The following ZNF273 variants were observed in gnomAD, a reference collection of about 807,000 sequenced individuals.
ZNF273 encodes zinc finger protein 9.
Under a neutral mutation model 14.9 loss-of-function variants are expected in ZNF273, and 11 were observed. The observed-to-expected ratio is 0.74, with a 90% CI of 0.46 to 1.22. ZNF273 has a LOEUF of 1.22. Among genes scored for constraint, ZNF273 ranks in the 50% most tolerant of loss-of-function variants. The pLI is 0.00. For synonymous variants in ZNF273, 199 were observed against 223.9 expected, an observed-to-expected ratio of 0.89 and a Z score of 0.99; for missense variants, 577 against 660.6, an observed-to-expected ratio of 0.87 and a Z score of 1.39.
intron 3 of ZNF273, among the ~76,000 whole-genome samples, chr7:64,925,048 C>T (rs907597960): frequency 1.9e-4 from 29 of 151,970 alleles, no homozygotes; most frequent in Admixed American, 7.2e-4. Flanking sequence ...GGTGATCCAC[C>T]GCCTCGGTCT....
In ZNF273 at chr7:64,927,915, A is replaced by C. The variant is rs1794841871; in HGVS notation, c.587A>C (p.His196Pro). The C allele has an allele frequency of 6.2e-7, 1 of 1,613,394 alleles. No individual in the cohort carries two copies. Among genetic ancestry groups the C allele is most frequent in the Non-Finnish European group, 8.5e-7 (1 of 1,179,826 alleles). ...CATAAATTCTCAAATTCAAATATAC[A>C]TAAGAAAAGACAAACTGGAAAGAAA... ...VLHKFSNSNI[H>P]KKRQTGKKPF... The change falls in exon 4 of 4, where the codon CAT becomes CCT. Residue 196 changes from histidine (H) to proline (P), a missense_variant. Coordinates refer to ENST00000476120, the MANE Select transcript of ZNF273 (RefSeq NM_021148.3).
rs574926497 is a variant in ZNF273, at chr7:64,915,265, C to T, written c.103-2316C>T. Among the ~76,000 whole-genome samples the T allele has an allele frequency of 4.6e-5, 7 of 152,102 alleles. No homozygotes were observed. The South Asian group carries it at 6.2e-4, about 13-fold the overall frequency. On this transcript the variant is annotated intron_variant, in intron 1 of 3. Transcript: ENST00000476120. ...ATTCCTATTGGGGAAAAGCTGGTGC[C>T]GAGACCAGCTCGGTCAGGGAGAACC...
exon 2 of ZNF273, chr7:64,888,747 C>T (rs948255121): frequency 2.0e-6 from 2 of 985,702 alleles, no homozygotes. Context: ...CACCCAGCCC[C>T]GCAGAGCCGG....
Position 64,918,310 on chromosome 7 carries a change from C to A in ZNF273, c.325+18C>A, listed in dbSNP as rs763290659. ...ACCCCCAGGTAGGTGAGAGTGATAG[C>A]GAATATAACAGATGACACAGATGAC... On this transcript the variant is annotated intron_variant, in intron 3 of 3. Transcript: ENST00000476120. 1 of 1,532,926 alleles carries A rather than the reference C, an allele frequency of 6.5e-7. No individual in the cohort carries two copies. The highest frequency in any genetic ancestry group is 2.6e-5 in the East Asian group (1 of 38,348). The allele number at this position is 1,532,926 out of a possible 1,614,324, so 95.0% of individuals were successfully genotyped here.
At position 64,929,817 on chromosome 7, in the gene ZNF273, C is replaced by T. The variant is rs1218291364; in HGVS notation, c.*779C>T. ...AAAGTGAATAATGTAATTCAACTCTCAAATTCATGGTTTTTTTTTTTTTGG... is the reference window on the plus strand; with the variant it reads ...AAAGTGAATAATGTAATTCAACTCTTAAATTCATGGTTTTTTTTTTTTTGG... On this transcript the variant is annotated 3_prime_UTR_variant, in exon 4 of 4. Coordinates refer to ENST00000476120, the MANE Select transcript of ZNF273 (RefSeq NM_021148.3). 1 of 150,366 alleles carries T rather than the reference C, an allele frequency of 6.7e-6. No individual in the cohort carries two copies. The highest frequency in any genetic ancestry group is 1.5e-5 in the Non-Finnish European group (1 of 68,366). The allele number at this position is 150,366 out of a possible 1,614,324, so 9.3% of individuals were successfully genotyped here. A position where few individuals can be genotyped will look rare whatever the true frequency, so the allele number is the denominator to read the frequency against.
At chr7:64,889,290 C>T (rs1455456982), downstream of ZNF273, 1 of 970,520 alleles carries the variant, frequency 1.0e-6, no homozygotes, top group East Asian at 1.2e-4. This position sits in a 1 kb window ranked among gnomAD's most constrained non-coding sequence, Gnocchi z 4.2. Flanking sequence ...CGGCAGTGTC[C>T]AGGCTCTCGC....
Position 64,919,998 on chromosome 7 carries a change from A to G in ZNF273, c.325+1706A>G, listed in dbSNP as rs1341013571. 3.9e-5 allele frequency among the ~76,000 whole-genome samples: 6 copies of G among 151,948 alleles called. No individual in the cohort carries two copies. In the East Asian group the frequency reaches 1.2e-3, roughly 29 times the overall value. On this transcript the variant is annotated intron_variant, in intron 3 of 3. Coordinates refer to ENST00000476120, the MANE Select transcript of ZNF273 (RefSeq NM_021148.3). Reference sequence around the variant, plus strand: ...TGACAATGGCACAATATAGTTTTGCATTGGTGTCTGTGAATTTGAAGAAAC... The same window carrying G: ...TGACAATGGCACAATATAGTTTTGCGTTGGTGTCTGTGAATTTGAAGAAAC...
chr7:64,920,402 G>A (rs1167001187), intron 3 of ZNF273, among the ~76,000 whole-genome samples: 1 of 152,078 alleles, frequency 6.6e-6, no homozygotes, highest in Non-Finnish European at 1.5e-5. Context: ...AGGCAGAACC[G>A]GCCATGAACT....
rs568238702 is a variant in ZNF273, at chr7:64,886,732, C to T, written n.274-1841C>T. 2.1e-4 allele frequency among the ~76,000 whole-genome samples: 32 copies of T among 152,288 alleles called. No homozygotes were observed. The South Asian group carries it at 6.4e-3, about 31-fold the overall frequency. ...GCCAGGTACAGTGGAGTTCTCAACG[C>T]GAAAGGAACTCACACCTGGGCACAC... is the stretch of plus-strand genomic sequence containing the variant. On this transcript the variant is annotated intron_variant and non_coding_transcript_variant, in intron 1 of 1. Coordinates refer to the ZNF273 transcript ENST00000471926.
At chr7:64,882,877 G>C (rs984176104), downstream of ZNF273, 6 of 152,376 alleles carry the variant, frequency 3.9e-5, no homozygotes, top group African/African-American at 1.4e-4. Flanking sequence ...GGGCTTCCCG[G>C]CGGAGCAGAA....
upstream of ZNF273, among the ~76,000 whole-genome samples, chr7:64,899,458 C>T (rs533147832): frequency 7.2e-5 from 11 of 152,076 alleles, no homozygotes; most frequent in Non-Finnish European, 1.3e-4. Context: ...AGTCCCAGAC[C>T]GGCCTTGCCA....
chr7:64,914,925 C>CCTT (rs1554386962), intron 1 of ZNF273, among the ~76,000 whole-genome samples: 2 of 133,398 alleles, frequency 1.5e-5, no homozygotes, highest in African/African-American at 5.7e-5. Context: ...AAAAAATGGC[C>CCTT]TTTTTTTTTT....
chr7:64,901,012 T>TATTTA (rs758485621), upstream of ZNF273, among the ~76,000 whole-genome samples: 60 of 152,126 alleles, frequency 3.9e-4, no homozygotes, highest in East Asian at 2.1e-3. Flanking sequence ...ATTTATTTTT[T>TATTTA]TTTTTTTGTA....
chr7:64,912,824 TAG>T (rs1491338952), intron 1 of ZNF273, among the ~76,000 whole-genome samples: 5 of 87,062 alleles, frequency 5.7e-5, no homozygotes, highest in East Asian at 3.5e-4. Flanking sequence ...GGATTCATTT[TAG>T]TTTTTTTTTT....
At position 64,918,203 on chromosome 7, in the gene ZNF273, C is replaced by T. The variant is rs781591941; in HGVS notation, c.236C>T (p.Ala79Val). 7.7e-6 allele frequency: 12 copies of T among 1,560,930 alleles called. No homozygotes were observed. In the Admixed American group the frequency reaches 8.6e-5, roughly 11 times the overall value. ...CTCATTTTTAATAAAACAGGTATTG[C>T]TGTCTCTAAGCCAGACCTGATCACT... ...NYRNLVFLGI[A>V]VSKPDLITCL... The change falls in exon 3 of 4, where the codon GCT (alanine) becomes GTT (valine). Residue 79 changes from alanine to valine, a missense_variant. By Grantham distance (64) the Ala-to-Val change is moderately conservative (BLOSUM62 0). Coordinates refer to ENST00000476120, the MANE Select transcript of ZNF273 (RefSeq NM_021148.3).
At chr7:64,922,045 C>T (rs1403879353) in intron 3 of ZNF273, among the ~76,000 whole-genome samples, 1 of 151,594 alleles carries the variant, frequency 6.6e-6, no homozygotes, top group South Asian at 2.1e-4. Context: ...CTATTTGACT[C>T]AATGCTAAAA....
the ZNF273 span, among the ~76,000 whole-genome samples, chr7:64,936,989 A>G: frequency 2.0e-5 from 3 of 152,244 alleles, no homozygotes; most frequent in Non-Finnish European, 4.4e-5. Context: ...GTCATGTTCT[A>G]TTGACAGAAT....
downstream of ZNF273, chr7:64,893,789 G>T: frequency 6.6e-6 from 1 of 152,354 alleles, no homozygotes; most frequent in South Asian, 1.8e-4. Context: ...AGGTGCTGAC[G>T]ATTCTGGTCC....
At chr7:64,895,254 T>C (rs1792298662) in intron 3 of ZNF273, among the ~76,000 whole-genome samples, 1 of 152,248 alleles carries the variant, frequency 6.6e-6, no homozygotes, top group South Asian at 2.1e-4. Context: ...AGTGAATTAA[T>C]TTTATTTTTT....
Sources: allele counts gnomAD v4.1 joint callset (sites outside exome capture counted in the v4.1 genomes callset), GRCh38; gene constraint gnomAD v4.1.1; non-coding constraint Gnocchi (gnomAD v3.1); transcripts MANE v1.5; gene names NCBI Gene and HGNC (gene_info 2026-07-23, HGNC 2026-07-21).